The following FBXL5 variants were observed in gnomAD, a reference collection of about 807,000 sequenced individuals.
FBXL5 encodes the protein F-box and leucine rich repeat protein 5.
A neutral mutation model predicts 78.3 loss-of-function variants in FBXL5; 26 were observed. The observed-to-expected ratio is 0.33, with a 90% CI of 0.24 to 0.46. The LOEUF (loss-of-function observed/expected upper bound fraction) is 0.46. Among genes scored for constraint, FBXL5 ranks in the 20% least tolerant of loss-of-function variants. FBXL5 has a pLI of 1.00. For missense variants in FBXL5, 710 were observed against 829.2 expected (o/e 0.86, Z 1.77); for synonymous variants, 295 against 282.5 (o/e 1.04, Z -0.45).
intron 1 of FBXL5, chr4:15,681,142 A>C (rs1174359179): frequency 6.6e-6 from 1 of 152,170 alleles, no homozygotes; most frequent in Non-Finnish European, 1.5e-5. Flanking sequence ...GTTAAAAATC[A>C]ATGATCTGCT....
upstream of FBXL5, among the ~76,000 whole-genome samples, chr4:15,662,967 C>A (rs554414578): frequency 2.7e-4 from 41 of 152,172 alleles, no homozygotes; most frequent in African/African-American, 9.6e-4. Context: ...GCATATTGAC[C>A]TAGTGTGCAG....
intron 9 of FBXL5, among the ~76,000 whole-genome samples, chr4:15,624,384 A>G (rs1392208322): frequency 6.6e-6 from 1 of 152,138 alleles, no homozygotes; most frequent in Non-Finnish European, 1.5e-5. Context: ...TATTTTGCAC[A>G]AAGCCAGTCA....
At chr4:15,654,511 T>C (rs768079751) in intron 1 of FBXL5, among the ~76,000 whole-genome samples, 4 of 152,134 alleles carry the variant, frequency 2.6e-5, no homozygotes, top group African/African-American at 7.2e-5. Flanking sequence ...CAAGAGAGAA[T>C]TGCTGTCTTA....
intron 10 of FBXL5, chr4:15,612,027 A>G: frequency 2.7e-6 from 1 of 367,018 alleles, no homozygotes; most frequent in Non-Finnish European, 4.8e-6. Flanking sequence ...ACACTATTAC[A>G]TCCCTCAAAA....
intron 1 of FBXL5, among the ~76,000 whole-genome samples, chr4:15,678,039 C>A (rs1718060152): frequency 6.6e-6 from 1 of 152,152 alleles, no homozygotes; most frequent in Non-Finnish European, 1.5e-5. Context: ...AATGATGTAT[C>A]ATTAAATGGG....
upstream of FBXL5, among the ~76,000 whole-genome samples, chr4:15,655,967 G>A (rs1008944710): frequency 6.6e-6 from 1 of 152,344 alleles, no homozygotes. Flanking sequence ...AGCGGGCGCG[G>A]GGCCTGGGTG....
chr4:15,612,407 T>C lies in FBXL5; in HGVS notation c.1858A>G (p.Thr620Ala), dbSNP rs1282863096. 1 of 1,605,436 alleles carries C rather than the reference T, an allele frequency of 6.2e-7. No individual in the cohort carries two copies. The highest frequency in any genetic ancestry group is 8.5e-7 in the Non-Finnish European group (1 of 1,176,982). ...QITDHGLRVLTLGGGLPYLEH... is the reference protein window; with the variant it reads ...QITDHGLRVLALGGGLPYLEH... ...AAATAAGGCAGCCCTCCTCCCAGAG[T>C]CAAAACCCTGTAAGAAAAATAATTT... Residue 620 changes from threonine (T) to alanine (A), a missense_variant, in exon 10 of 11, where the codon ACT (threonine) becomes GCT (alanine). Transcript: ENST00000341285.
intron 2 of FBXL5, among the ~76,000 whole-genome samples, chr4:15,643,794 C>T (rs967520740): frequency 4.6e-5 from 7 of 152,154 alleles, no homozygotes; most frequent in African/African-American, 1.7e-4. Flanking sequence ...CCTTTGGTCA[C>T]CATTAACTGG....
chr4:15,615,257 C>T (rs946145752), intron 9 of FBXL5, among the ~76,000 whole-genome samples: 15 of 152,148 alleles, frequency 9.9e-5, no homozygotes, highest in Admixed American at 9.2e-4. Context: ...CCCTGCTCCA[C>T]GGCACCCAGT....
chr4:15,611,676 AGTAGG>A (rs1407730573), intron 10 of FBXL5, among the ~76,000 whole-genome samples: 3 of 152,108 alleles, frequency 2.0e-5, no homozygotes, highest in Non-Finnish European at 4.4e-5. Context: ...GATTTTTGAA[AGTAGG>A]TTCAGGAATC....
rs756197879 is a variant in FBXL5 at position 15,625,821 on chromosome 4, A to G, written c.1281T>C (p.Thr427=). The G allele has an allele frequency of 2.2e-5, 36 of 1,614,134 alleles. No homozygotes were observed. In the East Asian group the frequency reaches 6.0e-4, roughly 27 times the overall value. ...TGTCTTTATTTTTCCACGCAGTTGA[A>G]GTAATTTTGCTTGTAGATGTTTTCA... ...GFLKTSTSKI[T]STAWKNKDIT... is the part of the protein sequence containing the mutation. Residue 427 remains threonine (T), a synonymous_variant, in exon 9 of 11, where the codon ACT becomes ACC. Coordinates refer to ENST00000341285, the MANE Select transcript of FBXL5 (RefSeq NM_012161.4).
intron 2 of FBXL5, among the ~76,000 whole-genome samples, chr4:15,643,107 TA>T (rs1170739565): frequency 6.6e-6 from 1 of 152,172 alleles, no homozygotes; most frequent in African/African-American, 2.4e-5. Flanking sequence ...GAATATTCAA[TA>T]AAAAAGTAAA....
intron 1 of FBXL5, among the ~76,000 whole-genome samples, chr4:15,672,861 A>G (rs1025775118): frequency 5.3e-5 from 8 of 152,166 alleles, no homozygotes; most frequent in African/African-American, 1.9e-4. Flanking sequence ...TACATGTTGT[A>G]CAGCTGTACA....
upstream of FBXL5, among the ~76,000 whole-genome samples, chr4:15,660,588 A>C (rs376674259): frequency 6.6e-6 from 1 of 152,162 alleles, no homozygotes; most frequent in Admixed American, 6.5e-5. Flanking sequence ...ACCTACCCAC[A>C]AGATCTAGGG....
chr4:15,649,195 C>T (rs1313337452), intron 1 of FBXL5, among the ~76,000 whole-genome samples: 1 of 151,942 alleles, frequency 6.6e-6, no homozygotes, highest in Non-Finnish European at 1.5e-5. Context: ...GAGAAAAGTC[C>T]TTAAAGATAC....
intron 7 of FBXL5, among the ~76,000 whole-genome samples, chr4:15,627,307 G>A (rs766968265): frequency 6.6e-5 from 10 of 151,884 alleles, no homozygotes; most frequent in Non-Finnish European, 1.5e-4. Context: ...GCTAATTTTT[G>A]CATTTTTAGT....
chr4:15,641,222 T>C (rs1036680767), intron 2 of FBXL5, among the ~76,000 whole-genome samples: 49 of 152,282 alleles, frequency 3.2e-4, no homozygotes, highest in Non-Finnish European at 7.4e-5. Flanking sequence ...TAATGGACTG[T>C]ATCATTACAG....
intron 6 of FBXL5, among the ~76,000 whole-genome samples, chr4:15,628,677 A>T (rs2148588424): frequency 6.6e-6 from 1 of 151,792 alleles, no homozygotes; most frequent in Non-Finnish European, 1.5e-5. Context: ...AAACAAAACT[A>T]AGTATAGCAG....
intron 3 of FBXL5, 51 bp downstream of exon 3, chr4:15,640,737 G>T (rs779359267): frequency 1.0e-6 from 1 of 996,994 alleles, no homozygotes; most frequent in Non-Finnish European, 1.5e-6. Context: ...AAGCAAAATA[G>T]TATTTTAAGA....
Sources: gnomAD v4.1 joint callset for allele counts (sites outside exome capture counted in the v4.1 genomes callset) on GRCh38, gnomAD v4.1.1 for gene constraint, MANE v1.5 for transcripts, NCBI Gene and HGNC (gene_info 2026-07-23, HGNC 2026-07-21) for gene names.